The following CCDC154 variants were observed in gnomAD, a reference collection of about 807,000 sequenced individuals.
The protein encoded by CCDC154 is coiled-coil domain-containing protein 154.
A neutral mutation model predicts 87.5 loss-of-function variants in CCDC154; 91 were observed. That is an observed-to-expected ratio of 1.04 (90% CI 0.88 to 1.24). The LOEUF (loss-of-function observed/expected upper bound fraction) is 1.24, where lower values mean the gene tolerates loss of function less well. CCDC154 is among the 50% of genes most tolerant of loss of function. The pLI is 0.00. For missense variants in CCDC154, 903 were observed against 879.2 expected (o/e 1.03, Z -0.34); for synonymous variants, 418 against 400.4 (o/e 1.04, Z -0.52).
Position 1,437,928 on chromosome 16 carries a change from C to A in CCDC154, c.1179G>T (p.Glu393Asp), listed in dbSNP as rs747444122. 2 of 1,547,120 alleles carry A rather than the reference C, an allele frequency of 1.3e-6. No homozygotes were observed. Among genetic ancestry groups the A allele is most frequent in the South Asian group, 2.4e-5 (2 of 84,038 alleles). The change falls in exon 11 of 17, where the codon GAG (glutamate) becomes GAT (aspartate). Residue 393 changes from glutamate to aspartate, a missense_variant. Transcript: ENST00000389176. Reference sequence around the variant, plus strand: ...GCCCGGCCAGCTGCGCCACGGATGCCTCCAGAGCCCGGCTCTTCTCTCGGA... The same window carrying A: ...GCCCGGCCAGCTGCGCCACGGATGCATCCAGAGCCCGGCTCTTCTCTCGGA... Reference protein sequence around the residue: ...VLLREKSRALEASVAQLAGQL... With the variant: ...VLLREKSRALDASVAQLAGQL...
intron 6 of CCDC154, among the ~76,000 whole-genome samples, chr16:1,441,497 C>T (rs1361914908): frequency 1.3e-5 from 2 of 152,198 alleles, no homozygotes; most frequent in African/African-American, 2.4e-5. Flanking sequence ...CCACCCACAG[C>T]GGAGGCCCCT....
At chr16:1,438,776 G>A (rs774994961) in intron 8 of CCDC154, 39 bp from the exon 9 acceptor site, 109 of 1,542,560 alleles carry the variant, frequency 7.1e-5, no homozygotes, top group South Asian at 7.1e-4. Context: ...CCTGCACCCC[G>A]GCCCCGGCCC....
chr16:1,443,727 G>T, intron 2 of CCDC154, 32 bp from the exon 3 acceptor site: 1 of 1,301,002 alleles, frequency 7.7e-7, no homozygotes, highest in Non-Finnish European at 1.0e-6. Context: ...GAGTCTGGCG[G>T]TGCCCGCCGT....
chr16:1,434,557 GC>G, intron 16 of CCDC154, 23 bp from the exon 17 acceptor site: 1 of 1,533,578 alleles, frequency 6.5e-7, no homozygotes. Context: ...GCGGCACATG[GC>G]CCCTGCACCC....
chr16:1,442,592 G>T, intron 5 of CCDC154, 63 bp from the exon 6 acceptor site: 1 of 1,461,568 alleles, frequency 6.8e-7, no homozygotes, highest in South Asian at 1.4e-5. Flanking sequence ...GGGTGAGGCT[G>T]ACCCACAGGC....
At chr16:1,443,733 G>A (rs903870803) in intron 2 of CCDC154, 38 bp from the exon 3 acceptor site, 22 of 1,301,462 alleles carry the variant, frequency 1.7e-5, no homozygotes, top group South Asian at 8.7e-5. Context: ...GGCGGTGCCC[G>A]CCGTGGAGGC....
chr16:1,441,606 G>A (rs936176533), intron 6 of CCDC154, among the ~76,000 whole-genome samples: 4 of 152,222 alleles, frequency 2.6e-5, no homozygotes, highest in African/African-American at 4.8e-5. Flanking sequence ...TCCGCTTTGT[G>A]TGCAGGGAAA....
rs1196113269 is a variant in CCDC154, at chr16:1,438,896, CAG to C, written c.823_824del (p.Leu275AlafsTer27). ...CCCACCGGCTCTCCAGCTCGCCCCGCAGGCTGCCCTCCAGCTTCAGCCGTGAG... is the reference window on the plus strand; with the variant it reads ...CCCACCGGCTCTCCAGCTCGCCCCGCGCTGCCCTCCAGCTTCAGCCGTGAG... ...ESSRLKLEGS[L>X]RGELESRWEK... On this transcript the variant is annotated frameshift_variant, in exon 8 of 17. Transcript: ENST00000389176. LOFTEE classifies it high-confidence loss of function. 1 of 1,549,568 alleles carries C rather than the reference CAG, an allele frequency of 6.5e-7. No homozygotes were observed.
chr16:1,436,810 G>C lies in CCDC154; in HGVS notation c.1292C>G (p.Ala431Gly). The change falls in exon 12 of 17, where the codon GCA becomes GGA. Residue 431 changes from alanine to glycine, a missense_variant and splice_region_variant. Coordinates refer to ENST00000389176, the MANE Select transcript of CCDC154 (RefSeq NM_001143980.3). ...CTCTGCACCTTCCCATTCGGTCTTT[G>C]CCTGGGGTACAGATGCCCAGTGAGG... ...EQMLGLRLSEAKTEWEGAERK... is the reference protein window; with the variant it reads ...EQMLGLRLSEGKTEWEGAERK... The C allele has an allele frequency of 6.4e-7, 1 of 1,550,504 alleles. No individual in the cohort carries two copies. Among genetic ancestry groups the C allele is most frequent in the Non-Finnish European group, 8.7e-7 (1 of 1,146,920 alleles).
chr16:1,442,396 C>T lies in CCDC154; in HGVS notation c.675+10G>A, dbSNP rs1326864914. 2 of 1,543,900 alleles carry T rather than the reference C, an allele frequency of 1.3e-6. No homozygotes were observed. Among genetic ancestry groups the T allele is most frequent in the Non-Finnish European group, 1.7e-6 (2 of 1,143,710 alleles). ...TGGGCGGCCCCCCTGAAGCCTGGGC[C>T]TGGTGGTACCTGCATTCTGGCCACC... is the stretch of plus-strand genomic sequence containing the variant. On this transcript the variant is annotated intron_variant, in intron 6 of 16. Coordinates refer to ENST00000389176, the MANE Select transcript of CCDC154 (RefSeq NM_001143980.3).
In CCDC154 at chr16:1,437,797, C is replaced by T; in HGVS notation, c.1290+20G>A. On this transcript the variant is annotated intron_variant, in intron 11 of 16. Transcript: ENST00000389176. ...GGACTCCCCATAGCCCCGCCTGCCC[C>T]CGCCCGCTGCCTGGCGCACCTCGGA... is the stretch of plus-strand genomic sequence containing the variant. 1 of 1,518,862 alleles carries T rather than the reference C, an allele frequency of 6.6e-7. No individual in the cohort carries two copies. Among genetic ancestry groups the T allele is most frequent in the Non-Finnish European group, 8.8e-7 (1 of 1,134,542 alleles). The allele number at this position is 1,518,862 out of a possible 1,614,324, so 94.1% of individuals were successfully genotyped here.
chr16:1,434,783 G>T lies in CCDC154; in HGVS notation c.1762C>A (p.Pro588Thr). 1 of 1,541,878 alleles carries T rather than the reference G, an allele frequency of 6.5e-7. No homozygotes were observed. Among genetic ancestry groups the T allele is most frequent in the Non-Finnish European group, 8.7e-7 (1 of 1,146,420 alleles). The change falls in exon 16 of 17, where the codon CCG becomes ACG. Residue 588 changes from proline (P) to threonine (T), a missense_variant. Pro to Thr is a conservative substitution (Grantham distance 38). Coordinates refer to ENST00000389176, the MANE Select transcript of CCDC154 (RefSeq NM_001143980.3). ...GGGAGCGCCTTCCAGCTGCCCAGCG[G>T]CGTCCGCGGGCCCTCCTCACTCCAC... Reference protein sequence around the residue: ...RLWSEEGPRTPLGSWKALPSL... With the variant: ...RLWSEEGPRTTLGSWKALPSL...
At chr16:1,438,783 G>A (rs2038525032) in intron 8 of CCDC154, 32 bp downstream of exon 8, 3 of 1,541,450 alleles carry the variant, frequency 1.9e-6, no homozygotes, top group Admixed American at 2.0e-5. Context: ...CCCGGCCCCG[G>A]CCCCACCTGC....
rs114804230 is a variant in CCDC154 at position 1,444,354 on chromosome 16, C to T, written c.-32G>A. The T allele has an allele frequency of 1.0e-3, 1,309 of 1,299,268 alleles. 11 individuals are homozygous for T. In the African/African-American group the frequency reaches 0.017, roughly 17 times the overall value. The allele number at this position is 1,299,268 out of a possible 1,614,324, so 80.5% of individuals were successfully genotyped here. ...TGGGCTGCACCGGCCACCCTGCCCT[C>T]GGCTGTAGCTTGGGCCTTGGGGCCT... On this transcript the variant is annotated 5_prime_UTR_variant, in exon 1 of 17. Coordinates refer to ENST00000389176, the MANE Select transcript of CCDC154 (RefSeq NM_001143980.3).
intron 16 of CCDC154, 52 bp from the exon 17 acceptor site, chr16:1,434,586 G>A (rs1433438310): frequency 4.0e-6 from 6 of 1,509,830 alleles, no homozygotes; most frequent in South Asian, 1.2e-5. Flanking sequence ...ACCCCCCATG[G>A]CCCACCTGCT....
At chr16:1,437,006 G>T in intron 11 of CCDC154, 195 bp from the exon 12 acceptor site, 1 of 730,808 alleles carries the variant, frequency 1.4e-6, no homozygotes, top group Non-Finnish European at 2.2e-6. Context: ...CCAAGGCAGG[G>T]CCTGGGCAGC....
At chr16:1,436,405 G>A (rs2038502254) in intron 13 of CCDC154, 40 bp downstream of exon 13, 1 of 1,492,950 alleles carries the variant, frequency 6.7e-7, no homozygotes, top group East Asian at 2.5e-5. Flanking sequence ...GTAACGGTCA[G>A]CAGAGCCCCT....
In CCDC154 at chr16:1,442,266, A is replaced by G. The variant is rs1192117493; in HGVS notation, c.675+140T>C. 1.7e-5 allele frequency: 18 copies of G among 1,062,846 alleles called. No individual in the cohort carries two copies. The East Asian group carries it at 2.1e-4, about 12-fold the overall frequency. 65.8% of individuals were successfully genotyped at this position (1,062,846 alleles called of 1,614,324 possible). A position where few individuals can be genotyped will look rare whatever the true frequency, so the allele number is the denominator to read the frequency against. On this transcript the variant is annotated intron_variant, in intron 6 of 16. Transcript: ENST00000389176. ...GTGCGGCTGAGGAATTGAGTTTTACATTGTCTACAACTATAGCTGATTTCA... is the reference window on the plus strand; with the variant it reads ...GTGCGGCTGAGGAATTGAGTTTTACGTTGTCTACAACTATAGCTGATTTCA...
In CCDC154 at chr16:1,435,824, C is replaced by G. The variant is rs537020032; in HGVS notation, c.1605+145G>C. ...TATGGGTGTAAGCCACCCCGCCTGG[C>G]CTCCGACAGGTGGTTTTCTGAGCGT... On this transcript the variant is annotated intron_variant, in intron 14 of 16. Coordinates refer to ENST00000389176, the MANE Select transcript of CCDC154 (RefSeq NM_001143980.3). The G allele has an allele frequency of 1.3e-4, 89 of 695,816 alleles. No homozygotes were observed. In the African/African-American group the frequency reaches 1.4e-3, roughly 11 times the overall value. 43.1% of individuals were successfully genotyped at this position (695,816 alleles called of 1,614,324 possible).
Sources: gnomAD v4.1 joint callset for allele counts (sites outside exome capture counted in the v4.1 genomes callset) on GRCh38, gnomAD v4.1.1 for gene constraint, MANE v1.5 for transcripts, NCBI Gene and HGNC (gene_info 2026-07-23, HGNC 2026-07-21) for gene names.